The following TRIM24 variants were observed in gnomAD, a reference collection of about 807,000 sequenced individuals.
The protein encoded by TRIM24 is transcription intermediary factor 1-alpha.
In TRIM24, 29 loss-of-function variants were observed where a neutral mutation model predicts 123.9. That is an observed-to-expected ratio of 0.23 (90% CI 0.17 to 0.32). The LOEUF (loss-of-function observed/expected upper bound fraction) is 0.32. Among genes scored for constraint, TRIM24 ranks in the 10% least tolerant of loss-of-function variants. The pLI is 1.00. For synonymous variants in TRIM24, 456 were observed against 461.1 expected, an observed-to-expected ratio of 0.99 and a Z score of 0.14; for missense variants, 932 against 1,295.3, an observed-to-expected ratio of 0.72 and a Z score of 4.31.
intron 1 of TRIM24, among the ~76,000 whole-genome samples, chr7:138,477,088 C>G (rs1409236161): frequency 6.6e-6 from 1 of 151,838 alleles, no homozygotes; most frequent in East Asian, 1.9e-4. Flanking sequence ...TTAGCTCTAT[C>G]CACTAAAAGG....
At chr7:138,570,777 T>C in intron 10 of TRIM24, 53 bp from the exon 11 acceptor site, 1 of 1,580,360 alleles carries the variant, frequency 6.3e-7, no homozygotes, top group South Asian at 1.2e-5. Context: ...ACATAGATGT[T>C]GTATTTTATA....
At chr7:138,499,245 GT>G (rs1795979058) in intron 1 of TRIM24, among the ~76,000 whole-genome samples, 3 of 152,068 alleles carry the variant, frequency 2.0e-5, no homozygotes, top group Non-Finnish European at 4.4e-5. Context: ...AGTCTGCTTT[GT>G]CTGAGAGTAT....
Position 138,526,089 on chromosome 7 carries a change from C to T in TRIM24, c.881+732C>T, listed in dbSNP as rs140567055. Among the ~76,000 whole-genome samples the T allele has an allele frequency of 1.1e-3, 174 of 152,298 alleles. 2 individuals are homozygous for T. Among genetic ancestry groups the T allele is most frequent in the South Asian group, 1.0e-3 (5 of 4,824 alleles). On this transcript the variant is annotated intron_variant, in intron 5 of 18. Coordinates refer to ENST00000343526, the MANE Select transcript of TRIM24 (RefSeq NM_015905.3). ...GTTGTTTTACACACAAAAGAAATGTCACTGCCTAAATAAGTCAAGAAATGT... is the reference window on the plus strand; with the variant it reads ...GTTGTTTTACACACAAAAGAAATGTTACTGCCTAAATAAGTCAAGAAATGT...
chr7:138,471,687 C>T (rs533890468), intron 1 of TRIM24, among the ~76,000 whole-genome samples: 15 of 151,880 alleles, frequency 9.9e-5, no homozygotes, highest in South Asian at 4.2e-4. Context: ...ATTACAGGTG[C>T]GCGCCACCAC....
At chr7:138,515,139 A>G in intron 2 of TRIM24, 73 bp from the exon 3 acceptor site, 2 of 1,483,272 alleles carry the variant, frequency 1.3e-6, no homozygotes. Context: ...TTGGTGTATC[A>G]TGTACGCATA....
At chr7:138,481,257 T>C (rs1795520815) in intron 1 of TRIM24, among the ~76,000 whole-genome samples, 1 of 151,328 alleles carries the variant, frequency 6.6e-6, no homozygotes, top group African/African-American at 2.4e-5. Context: ...TCCCAAGTTA[T>C]TATTTTTTTT....
rs1467625901 is a variant in TRIM24, at chr7:138,461,745, G to A, written c.364+833G>A. Among the ~76,000 whole-genome samples the A allele has an allele frequency of 2.0e-5, 3 of 152,128 alleles. No individual in the cohort carries two copies. The East Asian group carries it at 5.8e-4, about 29-fold the overall frequency. ...GAGTACAGTTTCGGGTAGAACACTT[G>A]GCGGTTTTTAAATTTTATTATTGCA... On this transcript the variant is annotated intron_variant, in intron 1 of 18. Transcript: ENST00000343526.
chr7:138,506,428 A>G lies in TRIM24; in HGVS notation c.483+2020A>G, dbSNP rs187221525. Among the ~76,000 whole-genome samples, 5 of 152,344 alleles carry G rather than the reference A, an allele frequency of 3.3e-5. No individual in the cohort carries two copies. In the East Asian group the frequency reaches 5.8e-4, roughly 18 times the overall value. On this transcript the variant is annotated intron_variant, in intron 2 of 18. Transcript: ENST00000343526. Reference sequence around the variant, plus strand: ...TTACATGTGATTATAGCTATTCTAGATATTCATTAGTCATATTCATAGTAG... The same window carrying G: ...TTACATGTGATTATAGCTATTCTAGGTATTCATTAGTCATATTCATAGTAG...
rs748988726 is a variant in TRIM24 at position 138,581,768 on chromosome 7, A to G, written c.2790A>G (p.Leu930=). The change falls in exon 17 of 19, where the codon CTA becomes CTG. Residue 930 remains leucine (L), a synonymous_variant. Transcript: ENST00000343526. The part of the protein sequence containing the change: ...MSLAFQDPVP[L]TVPDYYKIIK... ...TGGCTTTTCAAGACCCTGTTCCTCT[A>G]ACTGTAAGTATTAATGTCATTTTCT... 1.9e-6 allele frequency: 3 copies of G among 1,611,254 alleles called. No homozygotes were observed. Among genetic ancestry groups the G allele is most frequent in the Non-Finnish European group, 2.5e-6 (3 of 1,178,086 alleles).
At chr7:138,471,286 G>A (rs1348777998) in intron 1 of TRIM24, among the ~76,000 whole-genome samples, 1 of 152,064 alleles carries the variant, frequency 6.6e-6, no homozygotes, top group African/African-American at 2.4e-5. Context: ...ATTATGTATA[G>A]GATGTACTAG....
chr7:138,562,543 A>G (rs915400274), intron 9 of TRIM24, among the ~76,000 whole-genome samples: 1 of 152,168 alleles, frequency 6.6e-6, no homozygotes, highest in Non-Finnish European at 1.5e-5. Flanking sequence ...GACTACAAAC[A>G]TGATTCCATG....
chr7:138,487,285 CAG>C (rs1047212574), intron 1 of TRIM24, among the ~76,000 whole-genome samples: 43 of 152,296 alleles, frequency 2.8e-4, no homozygotes, highest in Non-Finnish European at 4.6e-4. Context: ...CATCTGCAAA[CAG>C]GGACAATTTG....
chr7:138,558,232 G>T (rs1360300722), intron 9 of TRIM24, among the ~76,000 whole-genome samples: 1 of 152,120 alleles, frequency 6.6e-6, no homozygotes, highest in East Asian at 1.9e-4. Context: ...CTAGGGTGGG[G>T]TGATTTGGAA....
At chr7:138,563,822 T>G (rs567850424) in intron 9 of TRIM24, among the ~76,000 whole-genome samples, 6 of 152,222 alleles carry the variant, frequency 3.9e-5, no homozygotes, top group East Asian at 1.9e-4. Flanking sequence ...TTTCCTGCCT[T>G]CCTTTAGCCC....
intron 7 of TRIM24, among the ~76,000 whole-genome samples, chr7:138,539,307 G>T (rs138126550): frequency 2.0e-5 from 3 of 152,186 alleles, no homozygotes; most frequent in Admixed American, 6.5e-5. Context: ...TCTTGGTGCT[G>T]CACGGCAATC....
chr7:138,488,549 C>G (rs981603120), intron 1 of TRIM24, among the ~76,000 whole-genome samples: 1 of 152,148 alleles, frequency 6.6e-6, no homozygotes, highest in Non-Finnish European at 1.5e-5. Flanking sequence ...TACGTTGTGT[C>G]TTTGTTCTCA....
At chr7:138,537,379 G>GTTTTTTTTGTTGTTTTTTTTTTTT (rs1796906425) in intron 6 of TRIM24, among the ~76,000 whole-genome samples, 1 of 56,642 alleles carries the variant, frequency 1.8e-5, no homozygotes, top group African/African-American at 7.1e-5. Context: ...ACCCCTGTTT[G>GTTTTTTTTGTTGTTTTTTTTTTTT]TTTTTTTTTT....
intron 5 of TRIM24, among the ~76,000 whole-genome samples, chr7:138,527,974 A>G (rs1796646170): frequency 6.6e-6 from 1 of 152,228 alleles, no homozygotes; most frequent in South Asian, 2.1e-4. Flanking sequence ...AGTTTGAAAC[A>G]AGCTTACAGT....
At chr7:138,497,130 T>G (rs1411348371) in intron 1 of TRIM24, among the ~76,000 whole-genome samples, 1 of 152,202 alleles carries the variant, frequency 6.6e-6, no homozygotes, top group Non-Finnish European at 1.5e-5. Flanking sequence ...AAGAGTTTGC[T>G]TAGGGATGGT....
Sources: gnomAD v4.1 joint callset for allele counts (sites outside exome capture counted in the v4.1 genomes callset) on GRCh38, gnomAD v4.1.1 for gene constraint, MANE v1.5 for transcripts, NCBI Gene and HGNC (gene_info 2026-07-23, HGNC 2026-07-21) for gene names.